Variants in KCNJ15 observed in about 807,000 individuals in gnomAD.
KCNJ15 encodes potassium inwardly rectifying channel subfamily J member 15.
KCNJ15 carries 14 observed loss-of-function variants against 23.0 expected under a neutral mutation model. The observed-to-expected ratio is 0.61, with a 90% confidence interval of 0.40 to 0.95. KCNJ15 has a LOEUF of 0.95. Among genes scored for constraint, KCNJ15 ranks in the 40% least tolerant of loss-of-function variants. KCNJ15 has a pLI of 0.00. For synonymous variants in KCNJ15, 185 were observed against 183.2 expected (o/e 1.01, Z -0.08); for missense variants, 388 against 461.8 (o/e 0.84, Z 1.46).
chr21:38,264,929 G>T (rs1981305842), intron 1 of KCNJ15, among the ~76,000 whole-genome samples: 1 of 152,168 alleles, frequency 6.6e-6, no homozygotes, highest in South Asian at 2.1e-4. Flanking sequence ...AAACAGAAAA[G>T]TAAATACGGA....
rs770140130 is a variant in KCNJ15 at position 38,299,279 on chromosome 21, C to T, written c.18C>T (p.Ile6=). The change falls in exon 3 of 3, where the codon ATC becomes ATT. Residue 6 remains isoleucine, a synonymous_variant. Transcript: ENST00000398938. This position sits in a 1 kb window ranked among gnomAD's most constrained non-coding sequence, Gnocchi z 4.5. MDAIH[I]GMSSTPLVKH... ...GCCTGGCAATGGATGCCATTCACAT[C>T]GGCATGTCCAGCACCCCCCTGGTGA... 2.1e-5 allele frequency: 34 copies of T among 1,611,926 alleles called. 1 individual carries two copies. In the South Asian group the frequency reaches 2.5e-4, roughly 12 times the overall value.
intron 1 of KCNJ15, among the ~76,000 whole-genome samples, chr21:38,230,777 G>A (rs1363065552): frequency 6.6e-6 from 1 of 151,860 alleles, no homozygotes; most frequent in Non-Finnish European, 1.5e-5. Flanking sequence ...TTATTCTATT[G>A]ATCTATATGT....
intron 1 of KCNJ15, among the ~76,000 whole-genome samples, chr21:38,275,712 T>A (rs969028878): frequency 6.6e-6 from 1 of 152,140 alleles, no homozygotes; most frequent in Non-Finnish European, 1.5e-5. Context: ...TAGGTGAATC[T>A]CATAGGCAGC....
At chr21:38,287,342 G>A (rs1984019318) in intron 1 of KCNJ15, among the ~76,000 whole-genome samples, 2 of 152,140 alleles carry the variant, frequency 1.3e-5, no homozygotes, top group African/African-American at 2.4e-5. Context: ...TAAGAAGGAT[G>A]GCTTTACGTT....
intron 1 of KCNJ15, among the ~76,000 whole-genome samples, chr21:38,279,190 G>C (rs146296353): frequency 8.6e-5 from 13 of 151,862 alleles, no homozygotes; most frequent in African/African-American, 2.7e-4. Context: ...GAAGGGAGTT[G>C]CCCTGGGTAA....
At chr21:38,295,901 A>G (rs1389243519) in intron 1 of KCNJ15, among the ~76,000 whole-genome samples, 1 of 152,246 alleles carries the variant, frequency 6.6e-6, no homozygotes, top group Non-Finnish European at 1.5e-5. Context: ...CAAAGAGGTC[A>G]TTTGCCAAAC....
chr21:38,282,173 T>C (rs1983419801), intron 1 of KCNJ15, among the ~76,000 whole-genome samples: 1 of 152,172 alleles, frequency 6.6e-6, no homozygotes, highest in Non-Finnish European at 1.5e-5. Flanking sequence ...TTAAAATATG[T>C]ATAAGATATA....
chr21:38,297,662 G>T (rs1484267544), intron 2 of KCNJ15, among the ~76,000 whole-genome samples: 1 of 152,204 alleles, frequency 6.6e-6, no homozygotes, highest in Non-Finnish European at 1.5e-5. Context: ...GTTGCTGAGG[G>T]TATAGTAAGG....
At chr21:38,252,501 A>T (rs2123583203), upstream of KCNJ15, among the ~76,000 whole-genome samples, 1 of 152,354 alleles carries the variant, frequency 6.6e-6, no homozygotes, top group Non-Finnish European at 1.5e-5. Context: ...TGATTTAGTT[A>T]CTAATCAAAC....
At position 38,299,294 on chromosome 21, in the gene KCNJ15, C is replaced by T; in HGVS notation, c.33C>T (p.Thr11=). The T allele has an allele frequency of 6.2e-7, 1 of 1,614,024 alleles. No homozygotes were observed. The highest frequency in any genetic ancestry group is 1.1e-5 in the South Asian group (1 of 91,074). ...CCATTCACATCGGCATGTCCAGCACCCCCCTGGTGAAGCACACTGCTGGGG... is the reference window on the plus strand; with the variant it reads ...CCATTCACATCGGCATGTCCAGCACTCCCCTGGTGAAGCACACTGCTGGGG... MDAIHIGMSS[T]PLVKHTAGAG... Residue 11 remains threonine, a synonymous_variant, in exon 3 of 3, where the codon ACC becomes ACT. Coordinates refer to ENST00000398938, the MANE Select transcript of KCNJ15 (RefSeq NM_170736.3). The surrounding 1 kb of genome is among the most constrained non-coding windows in gnomAD (Gnocchi z 4.5).
intron 1 of KCNJ15, among the ~76,000 whole-genome samples, chr21:38,285,055 C>A (rs914042214): frequency 2.6e-5 from 4 of 152,226 alleles, no homozygotes; most frequent in African/African-American, 9.6e-5. Context: ...TCAATAAATT[C>A]TTGCCACACA....
At chr21:38,296,768 C>G (rs983200983) in intron 1 of KCNJ15, 158 bp from the exon 2 acceptor site, 2 of 152,684 alleles carry the variant, frequency 1.3e-5, no homozygotes, top group African/African-American at 4.8e-5. Context: ...CTTCTTAAAT[C>G]GTTCCTTGAA....
chr21:38,276,905 A>C (rs918733559), intron 1 of KCNJ15, among the ~76,000 whole-genome samples: 7 of 152,102 alleles, frequency 4.6e-5, no homozygotes, highest in Non-Finnish European at 1.0e-4. Flanking sequence ...TACATATTTT[A>C]GGAAGATTTT....
At position 38,305,080 on chromosome 21, in the gene KCNJ15, C is replaced by CAAAAAAAAAAAAAAAAAAAAAAAA. The variant is rs60094452; in HGVS notation, c.*4708_*4709insAAAAAAAAAAAAAAAAAAAAAAAA. On this transcript the variant is annotated 3_prime_UTR_variant, in exon 3 of 3. Coordinates refer to ENST00000398938, the MANE Select transcript of KCNJ15 (RefSeq NM_170736.3). ...GGGCAACAAAAGTAAAACTCCGTCTCAAAAAAAAAAAAAAAAAGAAAAAGA... is the reference window on the plus strand; with the variant it reads ...GGGCAACAAAAGTAAAACTCCGTCTCAAAAAAAAAAAAAAAAAAAAAAAAAAAAAAAAAAAAAAAAAGAAAAAGA... 4 of 97,778 alleles carry CAAAAAAAAAAAAAAAAAAAAAAAA rather than the reference C, an allele frequency of 4.1e-5. No homozygotes were observed. Among genetic ancestry groups the CAAAAAAAAAAAAAAAAAAAAAAAA allele is most frequent in the Non-Finnish European group, 6.1e-5 (3 of 49,124 alleles). 6.1% of individuals were successfully genotyped at this position (97,778 alleles called of 1,614,324 possible). A position where few individuals can be genotyped will look rare whatever the true frequency, so the allele number is the denominator to read the frequency against.
At chr21:38,274,734 G>A (rs1232326275) in intron 1 of KCNJ15, among the ~76,000 whole-genome samples, 1 of 151,874 alleles carries the variant, frequency 6.6e-6, no homozygotes, top group African/African-American at 2.4e-5. Flanking sequence ...TTGAAATCTT[G>A]CCTTCTTAAT....
intron 1 of KCNJ15, among the ~76,000 whole-genome samples, chr21:38,296,010 C>A (rs1353277995): frequency 6.6e-6 from 1 of 152,004 alleles, no homozygotes; most frequent in Non-Finnish European, 1.5e-5. Context: ...AAATAATTGG[C>A]AGATCAGAAG....
At position 38,299,655 on chromosome 21, in the gene KCNJ15, G is replaced by A. The variant is rs1985550491; in HGVS notation, c.394G>A (p.Val132Ile). ...LESQTTIGYGVRSITEECPHA... is the reference protein window; with the variant it reads ...LESQTTIGYGIRSITEECPHA... The stretch of plus-strand genomic sequence containing the variant: ...ATCCCAGACAACCATTGGCTATGGA[G>A]TCCGTTCCATCACAGAGGAATGTCC... Residue 132 changes from valine to isoleucine, a missense_variant, in exon 3 of 3, where the codon GTC (valine) becomes ATC (isoleucine). Coordinates refer to ENST00000398938, the MANE Select transcript of KCNJ15 (RefSeq NM_170736.3). The surrounding 1 kb of genome is among the most constrained non-coding windows in gnomAD (Gnocchi z 4.5). 1 of 1,614,184 alleles carries A rather than the reference G, an allele frequency of 6.2e-7. No individual in the cohort carries two copies. The highest frequency in any genetic ancestry group is 8.5e-7 in the Non-Finnish European group (1 of 1,180,032).
chr21:38,238,438 A>G (rs922380044), intron 1 of KCNJ15: 2 of 672,786 alleles, frequency 3.0e-6, no homozygotes, highest in Non-Finnish European at 5.6e-6. Context: ...CTGCACCAGA[A>G]CTTTGGTGTC....
chr21:38,289,668 G>A (rs1984373711), intron 1 of KCNJ15, among the ~76,000 whole-genome samples: 1 of 152,098 alleles, frequency 6.6e-6, no homozygotes, highest in African/African-American at 2.4e-5. Flanking sequence ...GGGAGGCAGG[G>A]GTTGCAGGGA....
Sources: allele counts gnomAD v4.1 joint callset (sites outside exome capture counted in the v4.1 genomes callset), GRCh38; gene constraint gnomAD v4.1.1; non-coding constraint Gnocchi (gnomAD v3.1); transcripts MANE v1.5; gene names NCBI Gene and HGNC (gene_info 2026-07-23, HGNC 2026-07-21).